The following TVP23A variants were observed in gnomAD, a reference collection of about 807,000 sequenced individuals.
TVP23A encodes trans-golgi network vesicle protein 23 homolog A.
Under a neutral mutation model 31.7 loss-of-function variants are expected in TVP23A, and 21 were observed. That is an observed-to-expected ratio of 0.66 (90% CI 0.47 to 0.95). The LOEUF (loss-of-function observed/expected upper bound fraction) is 0.95, where lower values mean the gene tolerates loss of function less well. Among genes scored for constraint, TVP23A ranks in the 40% least tolerant of loss-of-function variants. TVP23A has a pLI of 0.00. For synonymous variants in TVP23A, 104 were observed against 96.0 expected (o/e 1.08, Z -0.49); for missense variants, 279 against 255.6 (o/e 1.09, Z -0.62).
chr16:10,780,823 C>T (rs1038334895), intron 2 of TVP23A, among the ~76,000 whole-genome samples: 5 of 152,144 alleles, frequency 3.3e-5, no homozygotes, highest in Admixed American at 1.3e-4. Context: ...TTCGAAACAA[C>T]GGTTCCACCA....
In TVP23A at chr16:10,771,805, T is replaced by C; in HGVS notation, c.454-7A>G. ...TCCCAGCAACCACCAGAGCCTGCAC[T>C]CAGACAAAGAAAGCAAAGGTCACTT... is the stretch of plus-strand genomic sequence containing the variant. On this transcript the variant is annotated splice_polypyrimidine_tract_variant and splice_region_variant and intron_variant, in intron 5 of 7. Transcript: ENST00000299866. 6.4e-7 allele frequency: 1 copy of C among 1,563,732 alleles called. No individual in the cohort carries two copies. Among genetic ancestry groups the C allele is most frequent in the Non-Finnish European group, 8.7e-7 (1 of 1,153,556 alleles).
chr16:10,778,169 A>C (rs2032189017), intron 2 of TVP23A, among the ~76,000 whole-genome samples: 1 of 152,040 alleles, frequency 6.6e-6, no homozygotes, highest in South Asian at 2.1e-4. Context: ...CTCCGTCTCT[A>C]CTAAAAATAC....
At chr16:10,817,222 T>C (rs2034483587) in intron 2 of TVP23A, among the ~76,000 whole-genome samples, 1 of 152,238 alleles carries the variant, frequency 6.6e-6, no homozygotes, top group South Asian at 2.1e-4. Context: ...AAGATGATAA[T>C]GGTAATTTGT....
intron 2 of TVP23A, among the ~76,000 whole-genome samples, chr16:10,795,445 T>G (rs941573504): frequency 1.3e-5 from 2 of 151,980 alleles, no homozygotes; most frequent in African/African-American, 4.8e-5. Flanking sequence ...GAAATAGGGT[T>G]TCACCATGTT....
Position 10,776,326 on chromosome 16 carries a change from G to A in TVP23A, c.90-1230C>T, listed in dbSNP as rs190589373. ...GGAGGCGGAGGTTGCAGTGAGCCAA[G>A]ATCACGCCACTGCACTGCAGCCTGG... On this transcript the variant is annotated intron_variant, in intron 2 of 7. Coordinates refer to ENST00000299866, the MANE Select transcript of TVP23A (RefSeq NM_001079512.4). Among the ~76,000 whole-genome samples, 1,134 of 152,094 alleles carry A rather than the reference G, an allele frequency of 7.5e-3. 11 individuals carry two copies. Among genetic ancestry groups the A allele is most frequent in the Middle Eastern group, 0.02 (6 of 294 alleles).
In TVP23A at chr16:10,769,035, C is replaced by A; in HGVS notation, c.*67G>T. ...GCCATTAGCACTCTATGCCTGTCGT[C>A]TTGTTTTCCAGGAATCCAAGAGTTT... On this transcript the variant is annotated 3_prime_UTR_variant, in exon 8 of 8. Transcript: ENST00000299866. 6.2e-7 allele frequency: 1 copy of A among 1,613,974 alleles called. No homozygotes were observed. The highest frequency in any genetic ancestry group is 1.1e-5 in the South Asian group (1 of 91,082).
chr16:10,762,105 T>C, downstream of TVP23A: 1 of 392,226 alleles, frequency 2.5e-6, no homozygotes, highest in Non-Finnish European at 4.7e-6. Flanking sequence ...AAGAATGGGG[T>C]AGAGGTTGGT....
chr16:10,780,128 TAA>T (rs2032335298), intron 2 of TVP23A, among the ~76,000 whole-genome samples: 1 of 145,534 alleles, frequency 6.9e-6, no homozygotes, highest in Non-Finnish European at 1.5e-5. Context: ...AATGAATGAA[TAA>T]AATAAAATAA....
rs140333594 is a variant in TVP23A, at chr16:10,774,748, T to C, written c.234+204A>G. On this transcript the variant is annotated intron_variant, in intron 3 of 7. Coordinates refer to ENST00000299866, the MANE Select transcript of TVP23A (RefSeq NM_001079512.4). ...GCCTCAGCCTCCCAAGTAGCTGGGATTACAGGCACACACCACCGCGCCAGG... is the reference window on the plus strand; with the variant it reads ...GCCTCAGCCTCCCAAGTAGCTGGGACTACAGGCACACACCACCGCGCCAGG... Among the ~76,000 whole-genome samples, 375 of 152,092 alleles carry C rather than the reference T, an allele frequency of 2.5e-3. 2 individuals carry two copies. The highest frequency in any genetic ancestry group is 8.6e-3 in the African/African-American group (357 of 41,468).
At chr16:10,761,133 T>C (rs1337368907), downstream of TVP23A, 20 of 420,086 alleles carry the variant, frequency 4.8e-5, no homozygotes, top group Non-Finnish European at 2.2e-5. Flanking sequence ...GCCCCCATGA[T>C]CCAATCACCT....
chr16:10,778,333 C>CAAA (rs4028815), intron 2 of TVP23A, among the ~76,000 whole-genome samples: 149,077 of 152,234 alleles, frequency 0.98, 73,253 homozygotes, highest in Middle Eastern at 1. Context: ...ATCGCTGTCT[C>CAAA]GAAGAATTAG....
At chr16:10,791,018 G>A (rs192236932) in intron 2 of TVP23A, among the ~76,000 whole-genome samples, 110 of 152,248 alleles carry the variant, frequency 7.2e-4, no homozygotes, top group Admixed American at 1.2e-3. Context: ...GCCCTTGGCC[G>A]ATAGGAGGGG....
In TVP23A at chr16:10,811,966, T is replaced by C. The variant is rs951649678; in HGVS notation, c.89+6137A>G. ...GGAATTACATTAAACCTAAAAACTT[T>C]TGTGCATCAGAAGACACAACCAACA... On this transcript the variant is annotated intron_variant, in intron 2 of 7. Transcript: ENST00000299866. Among the ~76,000 whole-genome samples the C allele has an allele frequency of 2.6e-5, 4 of 151,480 alleles. No individual in the cohort carries two copies. The East Asian group carries it at 5.8e-4, about 22-fold the overall frequency.
intron 2 of TVP23A, among the ~76,000 whole-genome samples, chr16:10,812,129 T>A (rs1293684048): frequency 1.3e-5 from 2 of 151,740 alleles, no homozygotes; most frequent in African/African-American, 4.8e-5. Context: ...GATATACAAG[T>A]GGACACATAG....
At chr16:10,810,001 A>C (rs1212458906) in intron 2 of TVP23A, among the ~76,000 whole-genome samples, 1 of 152,240 alleles carries the variant, frequency 6.6e-6, no homozygotes, top group African/African-American at 2.4e-5. Context: ...TCAATGTATG[A>C]ATGGATAAAC....
chr16:10,813,054 C>T (rs955600799), intron 2 of TVP23A, among the ~76,000 whole-genome samples: 13 of 152,186 alleles, frequency 8.5e-5, no homozygotes, highest in African/African-American at 2.9e-4. Flanking sequence ...GGCCCCCCAC[C>T]GCAACACTGC....
intron 2 of TVP23A, among the ~76,000 whole-genome samples, chr16:10,786,832 C>T (rs118040382): frequency 2.9e-4 from 44 of 152,046 alleles, no homozygotes; most frequent in East Asian, 1.7e-3. Flanking sequence ...AGAAAGAAAT[C>T]GGCAGAAGCA....
At chr16:10,757,963 T>C, downstream of TVP23A, 1 of 1,613,886 alleles carries the variant, frequency 6.2e-7, no homozygotes, top group Non-Finnish European at 8.5e-7. This position sits in a 1 kb window ranked among gnomAD's most constrained non-coding sequence, Gnocchi z 4.1. Flanking sequence ...GATGAACACC[T>C]CTCGGTCGTC....
At chr16:10,776,124 C>T (rs891219989) in intron 2 of TVP23A, among the ~76,000 whole-genome samples, 4 of 151,460 alleles carry the variant, frequency 2.6e-5, no homozygotes, top group African/African-American at 9.7e-5. Context: ...CCTGTAATGC[C>T]AGCACATTGG....
Sources: gnomAD v4.1 joint callset for allele counts (sites outside exome capture counted in the v4.1 genomes callset) on GRCh38, gnomAD v4.1.1 for gene constraint, Gnocchi (gnomAD v3.1) non-coding constraint, MANE v1.5 for transcripts, NCBI Gene and HGNC (gene_info 2026-07-23, HGNC 2026-07-21) for gene names.